The following MEOX2 variants were observed in gnomAD, a reference collection of about 807,000 sequenced individuals.
MEOX2 encodes homeobox protein MOX-2.
In MEOX2, 11 loss-of-function variants were observed where a neutral mutation model predicts 27.0. The ratio of observed to expected loss-of-function variants is 0.41; its 90% confidence interval spans 0.26 to 0.68. MEOX2 has a LOEUF of 0.68. Ranked by LOEUF, MEOX2 falls within the 30% of genes least tolerant of loss-of-function variation. The pLI is 0.33. For synonymous variants in MEOX2, 189 were observed against 155.4 expected (o/e 1.22, Z -1.61); for missense variants, 436 against 385.4 (o/e 1.13, Z -1.10).
At chr7:15,666,779 A>AAAATATATAT (rs1782014585) in intron 1 of MEOX2, among the ~76,000 whole-genome samples, 7 of 33,312 alleles carry the variant, frequency 2.1e-4, no homozygotes, top group African/African-American at 7.6e-4. Flanking sequence ...AAAAAAAAAA[A>AAAATATATAT]ATATATATAT....
At chr7:15,640,990 TTTG>T (rs1054581685) in intron 1 of MEOX2, among the ~76,000 whole-genome samples, 1 of 152,072 alleles carries the variant, frequency 6.6e-6, no homozygotes, top group Non-Finnish European at 1.5e-5. Context: ...TGATTTTATT[TTTG>T]TTGTTGTTGT....
chr7:15,622,110 CTG>C (rs569297798), intron 2 of MEOX2, among the ~76,000 whole-genome samples: 64 of 152,278 alleles, frequency 4.2e-4, no homozygotes, highest in African/African-American at 1.5e-3. Context: ...GAGCGAGACT[CTG>C]TCTCAAAAAA....
chr7:15,644,053 C>T (rs1334616924), intron 1 of MEOX2, among the ~76,000 whole-genome samples: 3 of 152,168 alleles, frequency 2.0e-5, no homozygotes, highest in Non-Finnish European at 4.4e-5. Flanking sequence ...ATCTTGCTCC[C>T]CTGACAATGG....
chr7:15,674,467 T>A (rs1197007806), intron 1 of MEOX2, among the ~76,000 whole-genome samples: 1 of 151,970 alleles, frequency 6.6e-6, no homozygotes, highest in East Asian at 1.9e-4. Flanking sequence ...GTCTTAAATA[T>A]AAGTCTAATA....
intron 2 of MEOX2, among the ~76,000 whole-genome samples, chr7:15,616,432 C>T (rs987358224): frequency 2.0e-5 from 3 of 151,666 alleles, no homozygotes; most frequent in Admixed American, 6.6e-5. Context: ...ATTAGCATCA[C>T]GGTATTAGCA....
intron 1 of MEOX2, among the ~76,000 whole-genome samples, chr7:15,666,507 A>T (rs1398450134): frequency 1.3e-5 from 2 of 151,942 alleles, no homozygotes; most frequent in Non-Finnish European, 2.9e-5. Context: ...TAATCCCAGC[A>T]CTTTGGGAGG....
intron 2 of MEOX2, among the ~76,000 whole-genome samples, chr7:15,612,877 C>T (rs1781055228): frequency 6.6e-6 from 1 of 152,128 alleles, no homozygotes. Flanking sequence ...TAAACAAAAA[C>T]TTTGTCATTT....
intron 1 of MEOX2, among the ~76,000 whole-genome samples, chr7:15,641,613 A>G (rs1186595011): frequency 3.3e-5 from 5 of 152,132 alleles, no homozygotes; most frequent in African/African-American, 9.7e-5. Context: ...GCTATTTACA[A>G]TCAAGGTTCA....
At chr7:15,624,451 T>C (rs1223634908) in intron 2 of MEOX2, among the ~76,000 whole-genome samples, 1 of 152,186 alleles carries the variant, frequency 6.6e-6, no homozygotes, top group Admixed American at 6.6e-5. Flanking sequence ...ACACTGAGTT[T>C]GGTCACATGG....
At chr7:15,646,594 C>T (rs1781653872) in intron 1 of MEOX2, among the ~76,000 whole-genome samples, 1 of 151,928 alleles carries the variant, frequency 6.6e-6, no homozygotes, top group Non-Finnish European at 1.5e-5. Flanking sequence ...AAACAGAGCT[C>T]TATCATACTT....
chr7:15,640,369 A>G (rs188359690), intron 1 of MEOX2, among the ~76,000 whole-genome samples: 1 of 152,086 alleles, frequency 6.6e-6, no homozygotes, highest in African/African-American at 2.4e-5. Context: ...ATTTTTATAC[A>G]TTAATTTTGA....
intron 1 of MEOX2, among the ~76,000 whole-genome samples, chr7:15,666,631 A>C (rs1231925109): frequency 2.0e-5 from 3 of 151,238 alleles, no homozygotes; most frequent in Non-Finnish European, 4.4e-5. Flanking sequence ...ATGTGCCTAT[A>C]GTCCCAGCTA....
At chr7:15,630,314 C>T (rs1781382090) in intron 1 of MEOX2, among the ~76,000 whole-genome samples, 1 of 152,050 alleles carries the variant, frequency 6.6e-6, no homozygotes, top group African/African-American at 2.4e-5. Context: ...TTTAGAACTT[C>T]TCCACATGTG....
intron 1 of MEOX2, among the ~76,000 whole-genome samples, chr7:15,669,301 A>G (rs575686787): frequency 6.6e-6 from 1 of 152,222 alleles, no homozygotes; most frequent in Non-Finnish European, 1.5e-5. Flanking sequence ...TTGCCTGGGC[A>G]CTTATTTATA....
intron 1 of MEOX2, among the ~76,000 whole-genome samples, chr7:15,653,223 C>T (rs1378664347): frequency 6.6e-6 from 1 of 151,850 alleles, no homozygotes; most frequent in African/African-American, 2.4e-5. Context: ...TTGCTCTTTC[C>T]AAATAGCAGA....
At chr7:15,640,115 G>C (rs1343962207) in intron 1 of MEOX2, among the ~76,000 whole-genome samples, 10 of 151,950 alleles carry the variant, frequency 6.6e-5, no homozygotes, top group African/African-American at 2.2e-4. Flanking sequence ...CTATCCATGG[G>C]ATGTTTTTCC....
At chr7:15,665,945 G>C (rs1035626086) in intron 1 of MEOX2, among the ~76,000 whole-genome samples, 2 of 151,956 alleles carry the variant, frequency 1.3e-5, no homozygotes, top group African/African-American at 4.8e-5. Context: ...GGTTTTAGGG[G>C]TGCCACTTTC....
At chr7:15,630,550 G>A (rs897191985) in intron 1 of MEOX2, among the ~76,000 whole-genome samples, 2 of 151,996 alleles carry the variant, frequency 1.3e-5, no homozygotes, top group African/African-American at 2.4e-5. Context: ...AAAATGGAAT[G>A]GAATGTCTGT....
chr7:15,654,449 G>C (rs925062900), intron 1 of MEOX2, among the ~76,000 whole-genome samples: 1 of 151,488 alleles, frequency 6.6e-6, no homozygotes, highest in East Asian at 1.9e-4. Context: ...TCAGTCTTAT[G>C]TTGAATAAGA....
Sources: allele counts gnomAD v4.1 joint callset (sites outside exome capture counted in the v4.1 genomes callset), GRCh38; gene constraint gnomAD v4.1.1; transcripts MANE v1.5; gene names NCBI Gene and HGNC (gene_info 2026-07-23, HGNC 2026-07-21).